Variants in NRG1 observed in about 807,000 individuals in gnomAD.
NRG1 encodes the protein neuregulin 1, also known as pro-neuregulin-1, membrane-bound isoform.
In NRG1, 18 loss-of-function variants were observed where a neutral mutation model predicts 63.8. The observed-to-expected ratio is 0.28, with a 90% CI of 0.19 to 0.42. The LOEUF (loss-of-function observed/expected upper bound fraction) is 0.42. Among genes scored for constraint, NRG1 ranks in the 10% least tolerant of loss-of-function variants. NRG1 has a pLI of 1.00. For synonymous variants in NRG1, 302 were observed against 301.3 expected (o/e 1.00, Z -0.02); for missense variants, 762 against 814.7 (o/e 0.94, Z 0.79).
chr8:32,395,476 T>G (rs1812318556), intron 1 of NRG1, among the ~76,000 whole-genome samples: 1 of 152,232 alleles, frequency 6.6e-6, no homozygotes, highest in Non-Finnish European at 1.5e-5. Flanking sequence ...GAATTTGCAT[T>G]TCGCTAGTGA....
At chr8:32,352,227 T>G (rs1805697026) in intron 1 of NRG1, among the ~76,000 whole-genome samples, 1 of 150,636 alleles carries the variant, frequency 6.6e-6, no homozygotes, top group Non-Finnish European at 1.5e-5. Context: ...AGGCCCATTT[T>G]GGAGAATAGT....
intron 1 of NRG1, among the ~76,000 whole-genome samples, chr8:32,224,573 C>T (rs374538547): frequency 1.8e-4 from 27 of 152,280 alleles, no homozygotes; most frequent in African/African-American, 2.9e-4. Context: ...TTTCTCTAAA[C>T]GAACTGTGTA....
chr8:32,081,539 G>A (rs1018229176), intron 1 of NRG1, among the ~76,000 whole-genome samples: 2 of 152,092 alleles, frequency 1.3e-5, no homozygotes. Context: ...AGATTAGTGG[G>A]GTAGTAGAGA....
intron 1 of NRG1, among the ~76,000 whole-genome samples, chr8:32,498,732 C>T (rs1399169945): frequency 6.6e-6 from 1 of 152,164 alleles, no homozygotes; most frequent in Non-Finnish European, 1.5e-5. Flanking sequence ...TTTATGCAAA[C>T]TCATCTCAGT....
At chr8:32,700,987 C>T (rs191212498) in intron 5 of NRG1, among the ~76,000 whole-genome samples, 55 of 152,198 alleles carry the variant, frequency 3.6e-4, no homozygotes, top group Admixed American at 2.9e-3. Flanking sequence ...TAACCCAATC[C>T]GCACACCTCC....
At chr8:32,229,695 A>G (rs1434092089) in intron 1 of NRG1, among the ~76,000 whole-genome samples, 1 of 152,174 alleles carries the variant, frequency 6.6e-6, no homozygotes, top group African/African-American at 2.4e-5. Context: ...TTTTCTTCTT[A>G]AGATCCTAAA....
At position 32,653,087 on chromosome 8, in the gene NRG1, T is replaced by A. The variant is rs148703040; in HGVS notation, c.502+36202T>A. 3.1e-4 allele frequency among the ~76,000 whole-genome samples: 47 copies of A among 151,790 alleles called. 1 individual carries two copies. The East Asian group carries it at 9.0e-3, about 29-fold the overall frequency. On this transcript the variant is annotated intron_variant, in intron 5 of 11. Coordinates refer to ENST00000356819, the Ensembl canonical transcript of NRG1. Reference sequence around the variant, plus strand: ...CTACTTTTATTACTTTTGCTCTACATCAATGCTTTGTTTTTCTTCTATTAT... The same window carrying A: ...CTACTTTTATTACTTTTGCTCTACAACAATGCTTTGTTTTTCTTCTATTAT...
chr8:32,048,668 G>C (rs1586731793), intron 1 of NRG1, among the ~76,000 whole-genome samples: 2 of 151,758 alleles, frequency 1.3e-5, no homozygotes, highest in South Asian at 4.1e-4. Flanking sequence ...CATTCTAATA[G>C]GTGTGAGGTG....
At chr8:31,826,774 A>C (rs913063110) in intron 1 of NRG1, among the ~76,000 whole-genome samples, 6 of 152,334 alleles carry the variant, frequency 3.9e-5, no homozygotes, top group Middle Eastern at 3.4e-3. Flanking sequence ...GTCCCATTTC[A>C]GCCCTCAAAT....
At chr8:31,753,351 G>A (rs1816671359) in intron 1 of NRG1, among the ~76,000 whole-genome samples, 1 of 143,004 alleles carries the variant, frequency 7.0e-6, no homozygotes, top group African/African-American at 2.5e-5. Context: ...AAAAACCTGA[G>A]AGATGAGAAA....
At chr8:32,472,757 TTTG>T (rs2129490862) in intron 1 of NRG1, among the ~76,000 whole-genome samples, 1 of 152,322 alleles carries the variant, frequency 6.6e-6, no homozygotes, top group East Asian at 1.9e-4. Flanking sequence ...TACTAGTGCT[TTTG>T]TTGTTGTTTG....
intron 1 of NRG1, among the ~76,000 whole-genome samples, chr8:32,093,908 C>G (rs747249681): frequency 2.0e-5 from 3 of 152,190 alleles, no homozygotes; most frequent in Non-Finnish European, 4.4e-5. Context: ...TTACTCACTG[C>G]ATCTTTCAGC....
At chr8:31,956,585 C>T (rs1804465991) in intron 1 of NRG1, among the ~76,000 whole-genome samples, 1 of 152,104 alleles carries the variant, frequency 6.6e-6, no homozygotes, top group Non-Finnish European at 1.5e-5. Flanking sequence ...GATCGTGCCA[C>T]TGCACTCCAG....
chr8:31,773,268 A>G (rs1818809944), intron 1 of NRG1, among the ~76,000 whole-genome samples: 1 of 152,170 alleles, frequency 6.6e-6, no homozygotes, highest in Non-Finnish European at 1.5e-5. Flanking sequence ...CATGTGCTTG[A>G]TGCACTGTCA....
chr8:32,457,136 AT>A (rs1401278702), intron 1 of NRG1, among the ~76,000 whole-genome samples: 3 of 152,144 alleles, frequency 2.0e-5, no homozygotes, highest in Admixed American at 6.5e-5. Context: ...TCTCAAAAAA[AT>A]AAATAAATAA....
intron 1 of NRG1, among the ~76,000 whole-genome samples, chr8:31,744,382 T>C (rs1018259778): frequency 1.3e-5 from 2 of 152,022 alleles, no homozygotes; most frequent in Middle Eastern, 3.2e-3. Context: ...TTGTGGAACT[T>C]ATTTCTTCCT....
At chr8:32,675,802 A>G (rs1806935712) in intron 5 of NRG1, among the ~76,000 whole-genome samples, 1 of 152,154 alleles carries the variant, frequency 6.6e-6, no homozygotes, top group Admixed American at 6.6e-5. Context: ...CATCAATAAA[A>G]TATGGTAAAA....
In NRG1 at chr8:32,584,747, G is replaced by A. The variant is rs571877589; in HGVS notation, c.101-11081G>A. 3.0e-4 allele frequency among the ~76,000 whole-genome samples: 45 copies of A among 152,294 alleles called. No homozygotes were observed. In the South Asian group the frequency reaches 7.0e-3, roughly 24 times the overall value. The stretch of plus-strand genomic sequence containing the variant: ...TTTTTCTTTTTCACAGAAGGAATAA[G>A]CTTTAAATGGCTATGTGAAAAATAG... On this transcript the variant is annotated intron_variant, in intron 1 of 11. Coordinates refer to ENST00000356819, the Ensembl canonical transcript of NRG1.
chr8:32,000,664 C>T (rs569383583), intron 1 of NRG1, among the ~76,000 whole-genome samples: 87 of 152,106 alleles, frequency 5.7e-4, no homozygotes, highest in African/African-American at 1.9e-3. Flanking sequence ...GCAAAAGTCT[C>T]CTTTCCTACT....
Sources: allele counts gnomAD v4.1 joint callset (sites outside exome capture counted in the v4.1 genomes callset), GRCh38; gene constraint gnomAD v4.1.1; transcripts MANE v1.5; gene names NCBI Gene and HGNC (gene_info 2026-07-23, HGNC 2026-07-21).